The following RBFOX1 variants were observed in gnomAD, a reference collection of about 807,000 sequenced individuals.
RBFOX1 encodes the protein RNA binding protein fox-1 homolog 1.
RBFOX1 carries 8 observed loss-of-function variants against 57.7 expected under a neutral mutation model. The ratio of observed to expected loss-of-function variants is 0.14; its 90% CI spans 0.08 to 0.25. The LOEUF (loss-of-function observed/expected upper bound fraction) is 0.25. Among genes scored for constraint, RBFOX1 ranks in the 10% least tolerant of loss-of-function variants. The pLI, the probability that RBFOX1 is intolerant of heterozygous loss-of-function variation, is 1.00. For synonymous variants in RBFOX1, 326 were observed against 222.4 expected (o/e 1.47, Z -4.15); for missense variants, 611 against 548.5 (o/e 1.11, Z -1.14).
intron 4 of RBFOX1, among the ~76,000 whole-genome samples, chr16:5,903,721 T>C (rs2058368944): frequency 6.6e-6 from 1 of 152,170 alleles, no homozygotes; most frequent in Admixed American, 6.5e-5. Flanking sequence ...TTCACCACTT[T>C]GTCTCTCCTC....
At chr16:7,433,021 A>G (rs543305919) in intron 4 of RBFOX1, among the ~76,000 whole-genome samples, 1 of 152,192 alleles carries the variant, frequency 6.6e-6, no homozygotes, top group African/African-American at 2.4e-5. Context: ...TGTAGCCCCC[A>G]GCAAATGCCA....
intron 3 of RBFOX1, among the ~76,000 whole-genome samples, chr16:6,799,311 A>T (rs555657276): frequency 3.0e-4 from 45 of 152,282 alleles, no homozygotes; most frequent in African/African-American, 1.1e-3. Context: ...ATTTCTAGCT[A>T]CTTATCATTA....
intron 1 of RBFOX1, among the ~76,000 whole-genome samples, chr16:6,093,315 T>C (rs946923878): frequency 1.3e-5 from 2 of 152,176 alleles, no homozygotes; most frequent in Non-Finnish European, 2.9e-5. Flanking sequence ...GGCTCGCACC[T>C]GTAGGCACAT....
intron 4 of RBFOX1, among the ~76,000 whole-genome samples, chr16:7,502,215 A>C (rs1223884896): frequency 6.6e-6 from 1 of 152,166 alleles, no homozygotes; most frequent in Admixed American, 6.5e-5. Context: ...TCTTTCTACA[A>C]GTGAGGCGAA....
Position 7,607,268 on chromosome 16 carries a change from T to G in RBFOX1, c.623-17T>G. 6.2e-7 allele frequency: 1 copy of G among 1,602,794 alleles called. No individual in the cohort carries two copies. The highest frequency in any genetic ancestry group is 8.5e-7 in the Non-Finnish European group (1 of 1,175,660). On this transcript the variant is annotated splice_polypyrimidine_tract_variant and intron_variant, in intron 9 of 15. Transcript: ENST00000550418. ...GAATCAAATGTGATAATAATGTTTT[T>G]GTGTATTTGTTTTAAGGCTGGAAAT...
At chr16:6,842,808 C>G (rs778232303) in intron 3 of RBFOX1, among the ~76,000 whole-genome samples, 1 of 151,982 alleles carries the variant, frequency 6.6e-6, no homozygotes, top group Non-Finnish European at 1.5e-5. Context: ...TGTCCTAATG[C>G]TCTCCCTCCA....
rs77686055 is a variant in RBFOX1, at chr16:5,399,899, G to C, written c.220-67317G>C. On this transcript the variant is annotated intron_variant, in intron 1 of 2. Coordinates refer to the RBFOX1 transcript ENST00000585867. ...ATCAGCAATTTTGGTTTATCTTACT[G>C]TTGATTTTATTTTTGATGGTAAGAA... 2.1e-3 allele frequency among the ~76,000 whole-genome samples: 315 copies of C among 152,072 alleles called. 11 individuals carry two copies. In the East Asian group the frequency reaches 0.052, roughly 25 times the overall value.
chr16:6,763,799 C>T (rs1000179735), intron 3 of RBFOX1, among the ~76,000 whole-genome samples: 4 of 152,142 alleles, frequency 2.6e-5, no homozygotes, highest in Admixed American at 1.3e-4. Context: ...CACACTGAAA[C>T]GTGTGGGAAT....
At chr16:5,377,614 G>C (rs35062107) in intron 1 of RBFOX1, among the ~76,000 whole-genome samples, 21,368 of 149,938 alleles carry the variant, frequency 0.14, 1,881 homozygotes, top group Non-Finnish European at 0.17. Flanking sequence ...ACAAGAGAGA[G>C]ACAGAGAGAG....
chr16:7,247,281 T>G (rs1025680193), intron 4 of RBFOX1, among the ~76,000 whole-genome samples: 1 of 152,174 alleles, frequency 6.6e-6, no homozygotes. Flanking sequence ...TCACACTCGC[T>G]GCCGGTTAAC....
intron 3 of RBFOX1, among the ~76,000 whole-genome samples, chr16:6,707,187 G>A (rs995616181): frequency 3.3e-5 from 5 of 152,100 alleles, no homozygotes; most frequent in Non-Finnish European, 5.9e-5. Context: ...TTGTTAACAT[G>A]TCGTTTGATC....
At chr16:5,333,019 C>T (rs2064798571) in intron 1 of RBFOX1, among the ~76,000 whole-genome samples, 1 of 152,058 alleles carries the variant, frequency 6.6e-6, no homozygotes, top group South Asian at 2.1e-4. Context: ...AACCCTGTCT[C>T]TATTAAAAAT....
At chr16:7,062,279 C>G (rs2054562737) in intron 4 of RBFOX1, among the ~76,000 whole-genome samples, 1 of 131,282 alleles carries the variant, frequency 7.6e-6, no homozygotes, top group South Asian at 2.6e-4. Context: ...GATCATGCCA[C>G]TGCACTCCAG....
chr16:5,836,856 G>A (rs749356336), intron 3 of RBFOX1, among the ~76,000 whole-genome samples: 1 of 152,130 alleles, frequency 6.6e-6, no homozygotes, highest in Non-Finnish European at 1.5e-5. Flanking sequence ...ATCAGCCCAG[G>A]CCACCTCTTT....
chr16:6,374,894 A>G (rs1003636487), intron 2 of RBFOX1, among the ~76,000 whole-genome samples: 4 of 152,244 alleles, frequency 2.6e-5, no homozygotes, highest in African/African-American at 7.2e-5. Flanking sequence ...GTCAAGATTT[A>G]TCTTATCAGG....
At chr16:6,318,676 A>G (rs2152780260) in intron 2 of RBFOX1, among the ~76,000 whole-genome samples, 1 of 152,272 alleles carries the variant, frequency 6.6e-6, no homozygotes, top group East Asian at 1.9e-4. Context: ...TAAGATAATT[A>G]GTACATGGAT....
At chr16:7,331,517 C>G (rs780512528) in intron 4 of RBFOX1, among the ~76,000 whole-genome samples, 7 of 152,194 alleles carry the variant, frequency 4.6e-5, no homozygotes, top group Non-Finnish European at 1.0e-4. Context: ...AGCCTTCAGT[C>G]TCAGGTCAAA....
chr16:6,069,537 A>G (rs1418039915), intron 1 of RBFOX1, among the ~76,000 whole-genome samples: 3 of 151,780 alleles, frequency 2.0e-5, no homozygotes. Flanking sequence ...AAACAAGATT[A>G]ATTTTGGCAT....
intron 14 of RBFOX1, among the ~76,000 whole-genome samples, chr16:7,682,987 A>G (rs2075145206): frequency 6.9e-5 from 1 of 14,424 alleles, no homozygotes; most frequent in Non-Finnish European, 1.4e-4. Context: ...TAAATTTCTT[A>G]ATACTTCTAT....
Sources: gnomAD v4.1 joint callset for allele counts (sites outside exome capture counted in the v4.1 genomes callset) on GRCh38, gnomAD v4.1.1 for gene constraint, MANE v1.5 for transcripts, NCBI Gene and HGNC (gene_info 2026-07-23, HGNC 2026-07-21) for gene names.